TAB1: variants seen among roughly 807,000 people sequenced by gnomAD.
TAB1 encodes the protein TGF-beta-activated kinase 1 and MAP3K7-binding protein 1.
A neutral mutation model predicts 54.5 loss-of-function variants in TAB1; 30 were observed. The ratio of observed to expected loss-of-function variants is 0.55; its 90% CI spans 0.41 to 0.75. The LOEUF (loss-of-function observed/expected upper bound fraction) is 0.75, where lower values mean the gene tolerates loss of function less well. Ranked by LOEUF, TAB1 falls within the 30% of genes least tolerant of loss-of-function variation. The probability of loss-of-function intolerance (pLI) is 0.00; values close to 1 mark genes in which losing one functional copy is unlikely to be tolerated. For synonymous variants in TAB1, 289 were observed against 286.9 expected (o/e 1.01, Z -0.07); for missense variants, 609 against 683.2 (o/e 0.89, Z 1.21).
intron 8 of TAB1, among the ~76,000 whole-genome samples, chr22:39,422,565 G>A (rs1057185800): frequency 2.0e-5 from 3 of 151,740 alleles, no homozygotes; most frequent in African/African-American, 7.3e-5. Context: ...CTGCCACCAC[G>A]CCCAGCTAAT....
chr22:39,424,853 G>C (rs1482210996), intron 8 of TAB1, among the ~76,000 whole-genome samples: 1 of 152,084 alleles, frequency 6.6e-6, no homozygotes, highest in African/African-American at 2.4e-5. Context: ...GGAATTTGGG[G>C]TCCACGGAGT....
At chr22:39,411,223 G>T (rs1042039005) in intron 1 of TAB1, among the ~76,000 whole-genome samples, 1 of 152,152 alleles carries the variant, frequency 6.6e-6, no homozygotes, top group Non-Finnish European at 1.5e-5. Flanking sequence ...AAACATAGGT[G>T]CTCTTTGTAA....
chr22:39,436,625 T>G, downstream of TAB1: 1 of 1,411,824 alleles, frequency 7.1e-7, no homozygotes, highest in Non-Finnish European at 1.0e-6. Context: ...ATCCTGGGGT[T>G]TTGTCGCCTG....
intron 1 of TAB1, among the ~76,000 whole-genome samples, chr22:39,412,168 T>C (rs148741531): frequency 6.6e-6 from 1 of 152,152 alleles, no homozygotes; most frequent in East Asian, 1.9e-4. Flanking sequence ...GCCTCTTGAG[T>C]AGCTGGAATT....
At chr22:39,408,565 C>T (rs375293267) in intron 1 of TAB1, among the ~76,000 whole-genome samples, 19 of 151,926 alleles carry the variant, frequency 1.3e-4, no homozygotes, top group Non-Finnish European at 1.5e-5. Context: ...GTGGCGTGTG[C>T]GATCTCGGCT....
Position 39,415,754 on chromosome 22 carries a change from T to C in TAB1, c.324+101T>C. The C allele has an allele frequency of 6.9e-7, 1 of 1,447,818 alleles. No individual in the cohort carries two copies. The highest frequency in any genetic ancestry group is 2.5e-5 in the East Asian group (1 of 40,536). The allele number at this position is 1,447,818 out of a possible 1,614,324, so 89.7% of individuals were successfully genotyped here. A position where few individuals can be genotyped will look rare whatever the true frequency, so the allele number is the denominator to read the frequency against. The stretch of plus-strand genomic sequence containing the variant: ...CATGTTGCCAGGGTTGGTGTGAAGA[T>C]CCTGCCGGCCCCTTCACCCCAGTAG... On this transcript the variant is annotated intron_variant, in intron 3 of 10. Transcript: ENST00000216160. The surrounding 1 kb of genome is among the most constrained non-coding windows in gnomAD (Gnocchi z 4.9).
chr22:39,426,607 C>A, intron 8 of TAB1, 96 bp from the exon 9 acceptor site: 2 of 1,130,908 alleles, frequency 1.8e-6, no homozygotes, highest in Non-Finnish European at 2.5e-6. Flanking sequence ...GGGCTGTTGA[C>A]CACTGAATCT....
At chr22:39,427,030 C>G in intron 9 of TAB1, 105 bp downstream of exon 9, 2 of 1,149,784 alleles carry the variant, frequency 1.7e-6, no homozygotes, top group Non-Finnish European at 1.2e-6. Context: ...AGTCAGGAGG[C>G]CTGGCTCTGA....
chr22:39,420,651 T>C (rs1318086464), intron 7 of TAB1, among the ~76,000 whole-genome samples: 1 of 152,188 alleles, frequency 6.6e-6, no homozygotes, highest in African/African-American at 2.4e-5. Flanking sequence ...TGCTGGGGTC[T>C]ATACAGGGAA....
chr22:39,411,967 A>G (rs762328682), intron 1 of TAB1, among the ~76,000 whole-genome samples: 23 of 152,340 alleles, frequency 1.5e-4, no homozygotes, highest in Non-Finnish European at 2.8e-4. Context: ...GTTGAGTGAA[A>G]GAAGCCAGTC....
intron 1 of TAB1, among the ~76,000 whole-genome samples, chr22:39,409,245 C>G (rs1020542570): frequency 2.0e-4 from 30 of 152,096 alleles, no homozygotes; most frequent in African/African-American, 7.0e-4. Context: ...TAATTTCATT[C>G]CAGCTGGTGG....
At chr22:39,409,412 C>A (rs374083657) in intron 1 of TAB1, among the ~76,000 whole-genome samples, 1 of 152,198 alleles carries the variant, frequency 6.6e-6, no homozygotes, top group South Asian at 2.1e-4. Flanking sequence ...ATACTTAATT[C>A]ACTGGTTATT....
chr22:39,412,610 A>G (rs937929044), intron 1 of TAB1, among the ~76,000 whole-genome samples: 1 of 152,130 alleles, frequency 6.6e-6, no homozygotes, highest in African/African-American at 2.4e-5. Flanking sequence ...AAATAGATAA[A>G]AGCAGAATAA....
downstream of TAB1, among the ~76,000 whole-genome samples, chr22:39,436,066 T>C (rs542032488): frequency 6.6e-6 from 1 of 152,238 alleles, no homozygotes; most frequent in South Asian, 2.1e-4. Flanking sequence ...CCAAGGCAGG[T>C]GGATCACCTG....
At chr22:39,435,982 A>T (rs931499409), downstream of TAB1, among the ~76,000 whole-genome samples, 8 of 152,188 alleles carry the variant, frequency 5.3e-5, no homozygotes, top group Non-Finnish European at 1.0e-4. Flanking sequence ...TCAGCTTTTT[A>T]AAAAAATAAA....
At chr22:39,402,445 G>C (rs926815305) in intron 1 of TAB1, among the ~76,000 whole-genome samples, 1 of 152,202 alleles carries the variant, frequency 6.6e-6, no homozygotes, top group Non-Finnish European at 1.5e-5. Context: ...GTGGAGGTTT[G>C]CAGGAATGGC....
chr22:39,416,003 C>T (rs1926818342), intron 3 of TAB1, among the ~76,000 whole-genome samples: 1 of 152,202 alleles, frequency 6.6e-6, no homozygotes, highest in Non-Finnish European at 1.5e-5. Flanking sequence ...GCTCAGCCTC[C>T]AGGTGCAGGA....
intron 8 of TAB1, 58 bp downstream of exon 8, chr22:39,422,029 G>A (rs1295280103): frequency 2.8e-5 from 40 of 1,408,298 alleles, no homozygotes; most frequent in Non-Finnish European, 3.8e-5. Context: ...GCATGGTGAT[G>A]TGCTCACCCT....
At chr22:39,426,328 A>C (rs1927334699) in intron 8 of TAB1, among the ~76,000 whole-genome samples, 2 of 152,190 alleles carry the variant, frequency 1.3e-5, no homozygotes, top group Non-Finnish European at 2.9e-5. Context: ...GCCTACAACA[A>C]GTTTGTTCCA....
Sources: allele counts gnomAD v4.1 joint callset (sites outside exome capture counted in the v4.1 genomes callset), GRCh38; gene constraint gnomAD v4.1.1; non-coding constraint Gnocchi (gnomAD v3.1); transcripts MANE v1.5; gene names NCBI Gene and HGNC (gene_info 2026-07-23, HGNC 2026-07-21).